The following EYS variants were observed in gnomAD, a reference collection of about 807,000 sequenced individuals.
EYS encodes the protein EGF-like photoreceptor maintenance factor.
EYS carries 250 observed loss-of-function variants against 282.1 expected under a neutral mutation model. That is an observed-to-expected ratio of 0.89 (90% confidence interval 0.80 to 0.98). EYS has a LOEUF of 0.98. Ranked by LOEUF, EYS falls within the 50% of genes least tolerant of loss-of-function variation. The probability of loss-of-function intolerance (pLI) is 0.00; values close to 1 mark genes in which losing one functional copy is unlikely to be tolerated. For synonymous variants in EYS, 1,355 were observed against 1,282.9 expected, an observed-to-expected ratio of 1.06 and a Z score of -1.20; for missense variants, 4,016 against 3,709.0, an observed-to-expected ratio of 1.08 and a Z score of -2.15.
At chr6:64,209,495 G>A (rs992675837) in intron 31 of EYS, among the ~76,000 whole-genome samples, 2 of 152,142 alleles carry the variant, frequency 1.3e-5, no homozygotes, top group Admixed American at 6.6e-5. Flanking sequence ...TTTAGATACT[G>A]TATATTCATA....
rs1239620051 is a variant in EYS, at chr6:65,621,518, CTG to C, written c.-333+18258_-333+18259del. Among the ~76,000 whole-genome samples, 8 of 150,214 alleles carry C rather than the reference CTG, an allele frequency of 5.3e-5. No homozygotes were observed. The East Asian group carries it at 1.6e-3, about 29-fold the overall frequency. ...TTGACTCTTTATCCAATTTGCCAGT[CTG>C]TGTCTTTTAATTGGACCATTTAGTC... On this transcript the variant is annotated intron_variant, in intron 2 of 42. Coordinates refer to ENST00000503581, the MANE Select transcript of EYS (RefSeq NM_001142800.2).
At chr6:65,443,131 TC>T (rs1204196552) in intron 5 of EYS, among the ~76,000 whole-genome samples, 1 of 144,002 alleles carries the variant, frequency 6.9e-6, no homozygotes, top group Non-Finnish European at 1.6e-5. Flanking sequence ...TATGTACACA[TC>T]ATACATATAT....
chr6:64,271,713 GT>G (rs11364067), intron 30 of EYS, among the ~76,000 whole-genome samples: 104,178 of 151,662 alleles, frequency 0.69, 35,779 homozygotes, highest in South Asian at 0.71. Flanking sequence ...TATTTTGTGG[GT>G]TTTTTTTGCA....
intron 19 of EYS, among the ~76,000 whole-genome samples, chr6:64,877,578 A>G (rs1193997010): frequency 6.6e-6 from 1 of 152,174 alleles, no homozygotes; most frequent in East Asian, 1.9e-4. Flanking sequence ...ATTTTACATA[A>G]ACAAAATAGG....
chr6:64,139,749 T>A (rs1471783067), intron 31 of EYS, among the ~76,000 whole-genome samples: 4 of 151,948 alleles, frequency 2.6e-5, no homozygotes, highest in Non-Finnish European at 5.9e-5. Context: ...GGTGGAAGGA[T>A]CACGAAGTCA....
At chr6:63,930,408 G>A (rs1208772905) in intron 35 of EYS, among the ~76,000 whole-genome samples, 1 of 150,962 alleles carries the variant, frequency 6.6e-6, no homozygotes, top group African/African-American at 2.4e-5. Context: ...ACCAATAAGT[G>A]TTTATAGCAT....
At chr6:64,534,145 A>G (rs978722847) in intron 26 of EYS, among the ~76,000 whole-genome samples, 5 of 151,794 alleles carry the variant, frequency 3.3e-5, no homozygotes, top group Non-Finnish European at 7.4e-5. Flanking sequence ...AGATCTCTAC[A>G]TTTAGAGATC....
At chr6:65,171,221 T>C (rs1159351375) in intron 12 of EYS, among the ~76,000 whole-genome samples, 1 of 151,580 alleles carries the variant, frequency 6.6e-6, no homozygotes, top group Non-Finnish European at 1.5e-5. Flanking sequence ...TATTACTGAT[T>C]TCCTAATTAT....
chr6:64,083,066 G>A (rs1277552868), intron 31 of EYS, among the ~76,000 whole-genome samples: 2 of 151,834 alleles, frequency 1.3e-5, no homozygotes, highest in African/African-American at 2.4e-5. Context: ...GTGCCAACAC[G>A]CCTGGCTAAC....
intron 12 of EYS, among the ~76,000 whole-genome samples, chr6:65,113,671 T>C (rs1180331901): frequency 1.3e-5 from 2 of 151,620 alleles, no homozygotes; most frequent in African/African-American, 4.9e-5. Flanking sequence ...ATTCTTATAT[T>C]GTTGAATGAA....
chr6:65,563,034 T>C (rs1376241797), intron 2 of EYS, among the ~76,000 whole-genome samples: 1 of 152,126 alleles, frequency 6.6e-6, no homozygotes, highest in Admixed American at 6.6e-5. Flanking sequence ...ACAGAATTCA[T>C]ACAATGTTAG....
Position 63,720,859 on chromosome 6 carries a change from C to A in EYS, c.9172G>T (p.Ala3058Ser), listed in dbSNP as rs1182778175. Reference sequence around the variant, plus strand: ...AGAATTAGACTGTTATTTATGTAGGCCTTGATAAGAGTCTGATTTTGAATT... The same window carrying A: ...AGAATTAGACTGTTATTTATGTAGGACTTGATAAGAGTCTGATTTTGAATT... ...VVIQNQTLIK[A>S]YINNSLILSE... Residue 3058 changes from alanine (A) to serine (S), a missense_variant, in exon 43 of 43, where the codon GCC becomes TCC. Ala to Ser is a moderately conservative substitution (Grantham distance 99, BLOSUM62 1). Coordinates refer to ENST00000503581, the MANE Select transcript of EYS (RefSeq NM_001142800.2). 1.3e-6 allele frequency: 2 copies of A among 1,551,116 alleles called. No homozygotes were observed. Among genetic ancestry groups the A allele is most frequent in the South Asian group, 2.4e-5 (2 of 84,040 alleles).
At chr6:64,314,371 C>T (rs1358263681) in intron 29 of EYS, among the ~76,000 whole-genome samples, 4 of 152,010 alleles carry the variant, frequency 2.6e-5, no homozygotes, top group Non-Finnish European at 2.9e-5. Flanking sequence ...CAGGAGCACC[C>T]AGATTTATAA....
intron 35 of EYS, among the ~76,000 whole-genome samples, chr6:63,886,605 A>T (rs1773266891): frequency 6.6e-6 from 1 of 152,214 alleles, no homozygotes; most frequent in Non-Finnish European, 1.5e-5. Flanking sequence ...GAGGTGCTAA[A>T]GAAGTTAGTT....
At chr6:63,871,067 C>T (rs894310040) in intron 35 of EYS, among the ~76,000 whole-genome samples, 2 of 152,144 alleles carry the variant, frequency 1.3e-5, no homozygotes, top group African/African-American at 4.8e-5. Context: ...TCTCTTCCAG[C>T]ACTTATTCTC....
intron 11 of EYS, among the ~76,000 whole-genome samples, chr6:65,298,558 G>A (rs148253478): frequency 0.014 from 2,064 of 151,732 alleles, 26 homozygotes; most frequent in South Asian, 0.022. Flanking sequence ...TTGTGTACTC[G>A]TCTTTTTAAA....
At chr6:64,134,369 T>C (rs1348706220) in intron 31 of EYS, among the ~76,000 whole-genome samples, 1 of 149,098 alleles carries the variant, frequency 6.7e-6, no homozygotes, top group Admixed American at 6.6e-5. Context: ...ACTAAGGAGA[T>C]AGATGTTTTT....
intron 22 of EYS, among the ~76,000 whole-genome samples, chr6:64,802,566 C>A (rs1764278718): frequency 6.6e-6 from 1 of 152,052 alleles, no homozygotes; most frequent in Non-Finnish European, 1.5e-5. Flanking sequence ...TTATAAAATT[C>A]TTTTAAATTG....
intron 22 of EYS, among the ~76,000 whole-genome samples, chr6:64,680,518 T>C (rs767087562): frequency 5.9e-4 from 90 of 152,292 alleles, no homozygotes; most frequent in Non-Finnish European, 9.4e-4. Flanking sequence ...GCTAACTCTC[T>C]TCTCAACTCC....
Sources: gnomAD v4.1 joint callset for allele counts (sites outside exome capture counted in the v4.1 genomes callset) on GRCh38, gnomAD v4.1.1 for gene constraint, MANE v1.5 for transcripts, NCBI Gene and HGNC (gene_info 2026-07-23, HGNC 2026-07-21) for gene names.